ZBTB21: variants seen among roughly 807,000 people sequenced by gnomAD.
ZBTB21 encodes zinc finger and BTB domain-containing protein 21.
Under a neutral mutation model 39.8 loss-of-function variants are expected in ZBTB21, and 10 were observed. That is an observed-to-expected ratio of 0.25 (90% CI 0.16 to 0.43). The LOEUF (loss-of-function observed/expected upper bound fraction) is 0.43. Ranked by LOEUF, ZBTB21 falls within the 20% of genes least tolerant of loss-of-function variation. The pLI is 1.00. For synonymous variants in ZBTB21, 551 were observed against 498.8 expected (o/e 1.10, Z -1.40); for missense variants, 1,221 against 1,296.3 (o/e 0.94, Z 0.89).
chr21:42,004,698 T>A (rs578213281), intron 1 of ZBTB21, among the ~76,000 whole-genome samples: 1 of 152,282 alleles, frequency 6.6e-6, no homozygotes, highest in Admixed American at 6.5e-5. Context: ...TCCTTTGGAA[T>A]GTTGGGGATT....
At chr21:41,994,156 C>T (rs1451497032) in intron 2 of ZBTB21, 48 bp from the exon 3 acceptor site, 36 of 1,494,324 alleles carry the variant, frequency 2.4e-5, no homozygotes, top group Non-Finnish European at 3.2e-5. Flanking sequence ...GTGAAAAGTT[C>T]CCCTGGCTCC....
chr21:42,001,525 G>A (rs894091605), intron 2 of ZBTB21, among the ~76,000 whole-genome samples: 1 of 152,228 alleles, frequency 6.6e-6, no homozygotes, highest in African/African-American at 2.4e-5. Context: ...TGTTTGCAGA[G>A]GTAGAGACGC....
intron 2 of ZBTB21, 54 bp from the exon 3 acceptor site, chr21:41,994,162 G>A (rs2065715080): frequency 6.8e-7 from 1 of 1,470,922 alleles, no homozygotes; most frequent in East Asian, 2.3e-5. Context: ...AGTTCCCCTG[G>A]CTCCTCAAGA....
In ZBTB21 at chr21:41,993,465, C is replaced by T; in HGVS notation, c.631G>A (p.Asp211Asn). The change falls in exon 3 of 3, where the codon GAT becomes AAT. Residue 211 changes from aspartate to asparagine, a missense_variant. Transcript: ENST00000310826. ...GACTTTGCATATACCACAGAACTATCTTTCGGCCAACTCTTTTCAGTTAAT... is the reference window on the plus strand; with the variant it reads ...GACTTTGCATATACCACAGAACTATTTTTCGGCCAACTCTTTTCAGTTAAT... ...LSLTEKSWPK[D>N]SSVVYAKSLE... 1 of 1,614,210 alleles carries T rather than the reference C, an allele frequency of 6.2e-7. No individual in the cohort carries two copies. The highest frequency in any genetic ancestry group is 8.5e-7 in the Non-Finnish European group (1 of 1,180,034).
chr21:42,009,341 AG>A (rs2065926741), intron 1 of ZBTB21: 1 of 152,192 alleles, frequency 6.6e-6, no homozygotes, highest in Non-Finnish European at 1.5e-5. Context: ...GAAAAGCAGG[AG>A]CCGCTGAGGA....
Position 41,992,815 on chromosome 21 carries a change from C to A in ZBTB21, c.1281G>T (p.Val427=), listed in dbSNP as rs921294497. 6.2e-7 allele frequency: 1 copy of A among 1,614,136 alleles called. No individual in the cohort carries two copies. Among genetic ancestry groups the A allele is most frequent in the Non-Finnish European group, 8.5e-7 (1 of 1,180,028 alleles). ...GGCTGCTGGGCTCAGTCTTTATGCGCACCTCAGTCACAGGGGAAGCTCCCT... is the reference window on the plus strand; with the variant it reads ...GGCTGCTGGGCTCAGTCTTTATGCGAACCTCAGTCACAGGGGAAGCTCCCT... ...DREGASPVTE[V]RIKTEPSSPL... is the part of the protein sequence containing the mutation. Residue 427 remains valine (V), a synonymous_variant, in exon 3 of 3, where the codon GTG becomes GTT. Transcript: ENST00000310826. The surrounding 1 kb of genome is among the most constrained non-coding windows in gnomAD (Gnocchi z 4.1).
rs1446418177 is a variant in ZBTB21, at chr21:41,993,589, A to G, written c.507T>C (p.Asp169=). 6.2e-7 allele frequency: 1 copy of G among 1,614,100 alleles called. No homozygotes were observed. Among genetic ancestry groups the G allele is most frequent in the Non-Finnish European group, 8.5e-7 (1 of 1,180,056 alleles). Residue 169 remains aspartate, a synonymous_variant, in exon 3 of 3, where the codon GAT becomes GAC. Coordinates refer to ENST00000310826, the MANE Select transcript of ZBTB21 (RefSeq NM_001098402.2). The part of the protein sequence containing the change: ...QGKTVSQNQP[D]VSHTSRPSPS... ...GAGAGGGCCGGGAAGTATGGCTTAC[A>G]TCGGGTTGATTTTGACTAACAGTTT... is the stretch of plus-strand genomic sequence containing the variant.
chr21:42,009,049 C>T (rs1489563010), intron 1 of ZBTB21: 1 of 152,198 alleles, frequency 6.6e-6, no homozygotes. Context: ...GACTCAGGGT[C>T]ATCGTGTGAA....
In ZBTB21 at chr21:41,993,061, C is replaced by A; in HGVS notation, c.1035G>T (p.Ser345=). Residue 345 remains serine (S), a synonymous_variant, in exon 3 of 3, where the codon TCG becomes TCT. Transcript: ENST00000310826. The stretch of plus-strand genomic sequence containing the variant: ...AATAGACAGGAACCTGGCTATCCAT[C>A]GACAATGACCGTCTGAGGAGACTCT... ...LVKSLLRRSL[S]MDSQVPVYSP... is the part of the protein sequence containing the mutation. 1 of 1,614,192 alleles carries A rather than the reference C, an allele frequency of 6.2e-7. No individual in the cohort carries two copies. The highest frequency in any genetic ancestry group is 1.1e-5 in the South Asian group (1 of 91,084).
In ZBTB21 at chr21:41,988,328, T is replaced by C. The variant is rs2065605316; in HGVS notation, c.*2567A>G. ...TACTTACATGGAATAAAGAGCTTTC[T>C]ACATTTTCAAAATTAATTACAATCC... On this transcript the variant is annotated 3_prime_UTR_variant, in exon 3 of 3. Coordinates refer to ENST00000310826, the MANE Select transcript of ZBTB21 (RefSeq NM_001098402.2). The C allele has an allele frequency of 6.6e-6, 1 of 152,258 alleles. No homozygotes were observed. 9.4% of individuals were successfully genotyped at this position (152,258 alleles called of 1,614,324 possible).
rs376613040 is a variant in ZBTB21, at chr21:41,992,301, C to T, written c.1795G>A (p.Gly599Ser). Residue 599 changes from glycine to serine, a missense_variant, in exon 3 of 3, where the codon GGC becomes AGC. Physicochemically the swap from Gly to Ser is moderately conservative, Grantham distance 56. This residue lies in a region of ZBTB21 where 90 missense variants were observed against 133.1 expected (regional missense o/e 0.68). Transcript: ENST00000310826. The surrounding 1 kb of genome is among the most constrained non-coding windows in gnomAD (Gnocchi z 4.1). Reference sequence around the variant, plus strand: ...GCTGGTGATGGGTTCTTCACTATGCCGTGTTGGGTCTGACAGTGTGTCCAC... The same window carrying T: ...GCTGGTGATGGGTTCTTCACTATGCTGTGTTGGGTCTGACAGTGTGTCCAC... ...KVWTHCQTQH[G>S]IVKNPSPASS... The T allele has an allele frequency of 7.4e-6, 12 of 1,613,986 alleles. No individual in the cohort carries two copies. Among genetic ancestry groups the T allele is most frequent in the East Asian group, 6.7e-5 (3 of 44,892 alleles).
At chr21:42,002,984 T>G (rs2065836041) in intron 1 of ZBTB21, 23 bp from the exon 2 acceptor site, 1 of 152,214 alleles carries the variant, frequency 6.6e-6, no homozygotes, top group African/African-American at 2.4e-5. Flanking sequence ...AATGAGAGAA[T>G]CTTTATGGTT....
chr21:42,004,601 T>C (rs1429719056), intron 1 of ZBTB21, among the ~76,000 whole-genome samples: 1 of 152,144 alleles, frequency 6.6e-6, no homozygotes, highest in Non-Finnish European at 1.5e-5. Flanking sequence ...GCTCCCAGAC[T>C]AGCCACAAAA....
chr21:41,993,680 T>A lies in ZBTB21; in HGVS notation c.416A>T (p.Asp139Val). 4 of 1,614,136 alleles carry A rather than the reference T, an allele frequency of 2.5e-6. No individual in the cohort carries two copies. The highest frequency in any genetic ancestry group is 3.4e-6 in the Non-Finnish European group (4 of 1,179,982). ...CPNRKKVFVE[D>V]DENSSQKRSV... ...TCTCTTTTGAGAACTGTTTTCATCA[T>A]CTTCTACAAACACTTTTTTTCTATT... is the stretch of plus-strand genomic sequence containing the variant. The change falls in exon 3 of 3, where the codon GAT becomes GTT. Residue 139 changes from aspartate to valine, a missense_variant. Transcript: ENST00000310826.
chr21:41,996,259 C>A (rs2146301250), intron 2 of ZBTB21, among the ~76,000 whole-genome samples: 1 of 152,308 alleles, frequency 6.6e-6, no homozygotes, highest in South Asian at 2.1e-4. Flanking sequence ...TCAATGCCAG[C>A]CCATAAAAGC....
chr21:41,991,213 A>G lies in ZBTB21; in HGVS notation c.2883T>C (p.Ser961=). The G allele has an allele frequency of 6.2e-7, 1 of 1,614,180 alleles. No homozygotes were observed. Among genetic ancestry groups the G allele is most frequent in the Non-Finnish European group, 8.5e-7 (1 of 1,180,042 alleles). ...TATGTGCCGATTCCTCTGAAGCCTG[A>G]GACATGTGCGATTGGAAGTGACTCC... ...RLWSHFQSHM[S]QASEESAHKE... is the part of the protein sequence containing the mutation. The change falls in exon 3 of 3, where the codon TCT becomes TCC. Residue 961 remains serine (S), a synonymous_variant. Transcript: ENST00000310826. The surrounding 1 kb of genome is among the most constrained non-coding windows in gnomAD (Gnocchi z 4.9).
chr21:42,007,652 T>A (rs2065896267), intron 1 of ZBTB21, among the ~76,000 whole-genome samples: 1 of 152,140 alleles, frequency 6.6e-6, no homozygotes, highest in African/African-American at 2.4e-5. Flanking sequence ...CACCACAACT[T>A]CTTCAATTAA....
Position 42,008,274 on chromosome 21 carries a change from G to A in ZBTB21, c.-79+1978C>T, listed in dbSNP as rs1291365765. ...TAATCCCAGCACTTTGGGAGACCAA[G>A]TGGGGTGGATCACGAGGTCAGGAGA... On this transcript the variant is annotated intron_variant, in intron 1 of 2. Coordinates refer to ENST00000310826, the MANE Select transcript of ZBTB21 (RefSeq NM_001098402.2). Among the ~76,000 whole-genome samples, 9 of 148,200 alleles carry A rather than the reference G, an allele frequency of 6.1e-5. No homozygotes were observed. In the East Asian group the frequency reaches 1.8e-3, roughly 29 times the overall value.
Position 41,991,478 on chromosome 21 carries a change from T to C in ZBTB21, c.2618A>G (p.Gln873Arg), listed in dbSNP as rs750266261. ...CLPEDLSLSK[Q>R]LKIQVKEEPV... ...CTCCTCTTTGACTTGGATTTTCAGT[T>C]GCTTGGAAAGACTAAGGTCTTCGGG... The change falls in exon 3 of 3, where the codon CAA becomes CGA. Residue 873 changes from glutamine (Q) to arginine (R), a missense_variant. By Grantham distance (43) the Gln-to-Arg change is conservative. Coordinates refer to ENST00000310826, the MANE Select transcript of ZBTB21 (RefSeq NM_001098402.2). The surrounding 1 kb of genome is among the most constrained non-coding windows in gnomAD (Gnocchi z 4.9). The C allele has an allele frequency of 2.5e-6, 4 of 1,614,040 alleles. No homozygotes were observed. The highest frequency in any genetic ancestry group is 3.4e-6 in the Non-Finnish European group (4 of 1,180,026).
Sources: allele counts gnomAD v4.1 joint callset (sites outside exome capture counted in the v4.1 genomes callset), GRCh38; gene constraint gnomAD v4.1.1; regional missense constraint gnomAD v4.1.1; non-coding constraint Gnocchi (gnomAD v3.1); transcripts MANE v1.5; gene names NCBI Gene and HGNC (gene_info 2026-07-23, HGNC 2026-07-21).